The following MALRD1 variants were observed in gnomAD, a reference collection of about 807,000 sequenced individuals.
The protein encoded by MALRD1 is MAM and LDL-receptor class A domain-containing protein 1.
A neutral mutation model predicts 242.1 loss-of-function variants in MALRD1; 247 were observed. That is an observed-to-expected ratio of 1.02 (90% CI 0.92 to 1.13). The LOEUF is 1.13. MALRD1 is among the 50% of genes most tolerant of loss of function. The pLI is 0.00. For synonymous variants in MALRD1, 995 were observed against 866.6 expected, an observed-to-expected ratio of 1.15 and a Z score of -2.60; for missense variants, 2,989 against 2,533.1, an observed-to-expected ratio of 1.18 and a Z score of -3.86.
At chr10:19,166,957 C>G (rs539003491) in intron 13 of MALRD1, among the ~76,000 whole-genome samples, 5 of 152,102 alleles carry the variant, frequency 3.3e-5, no homozygotes, top group Non-Finnish European at 7.4e-5. Flanking sequence ...ATCAAATTTC[C>G]TAATGTGTGA....
intron 21 of MALRD1, among the ~76,000 whole-genome samples, chr10:19,313,777 T>A: frequency 6.6e-6 from 1 of 151,494 alleles, no homozygotes; most frequent in East Asian, 1.9e-4. Context: ...ACTTGCCCCA[T>A]AAAGTGTTAT....
intron 7 of MALRD1, among the ~76,000 whole-genome samples, chr10:19,125,369 C>CTT (rs1316165514): frequency 7.8e-5 from 9 of 114,954 alleles, no homozygotes; most frequent in African/African-American, 3.2e-4. Flanking sequence ...TTCTTTCTTT[C>CTT]TTTCTTTCTT....
At chr10:19,107,036 T>G (rs1161273008) in intron 5 of MALRD1, among the ~76,000 whole-genome samples, 1 of 151,998 alleles carries the variant, frequency 6.6e-6, no homozygotes, top group Non-Finnish European at 1.5e-5. Context: ...GAGACTTGTT[T>G]TGTGGCCTAA....
intron 36 of MALRD1, among the ~76,000 whole-genome samples, chr10:19,617,096 T>G (rs1164324733): frequency 6.6e-6 from 1 of 152,006 alleles, no homozygotes; most frequent in East Asian, 1.9e-4. Context: ...TGTCAACTGC[T>G]TACAGTAAAG....
At chr10:19,362,888 G>A (rs916731692) in intron 26 of MALRD1, among the ~76,000 whole-genome samples, 17 of 152,034 alleles carry the variant, frequency 1.1e-4, no homozygotes, top group Non-Finnish European at 1.9e-4. Context: ...GATAGCAAGA[G>A]GTGGTTAAGT....
At position 19,217,436 on chromosome 10, in the gene MALRD1, T is replaced by TGAAG. The variant is rs528744825; in HGVS notation, c.2991+7756_2991+7757insGAAG. 2.8e-3 allele frequency among the ~76,000 whole-genome samples: 419 copies of TGAAG among 152,278 alleles called. 1 individual carries two copies. Among genetic ancestry groups the TGAAG allele is most frequent in the African/African-American group, 9.8e-3 (406 of 41,562 alleles). On this transcript the variant is annotated intron_variant, in intron 18 of 39. Transcript: ENST00000454679. ...TTCAGGTTAGTTTTTTACTTCACTT[T>TGAAG]CTTTTCCTGAAGCTTATACTCACTG...
chr10:19,376,147 A>G (rs1399739602), intron 26 of MALRD1, among the ~76,000 whole-genome samples: 1 of 152,196 alleles, frequency 6.6e-6, no homozygotes, highest in Non-Finnish European at 1.5e-5. Context: ...ACAAAGCAAA[A>G]ACAAAAACAA....
At chr10:19,719,248 A>ATATATG in intron 38 of MALRD1, among the ~76,000 whole-genome samples, 1 of 136,690 alleles carries the variant, frequency 7.3e-6, no homozygotes, top group East Asian at 2.1e-4. Context: ...ATATATATAT[A>ATATATG]TATATATATA....
intron 5 of MALRD1, among the ~76,000 whole-genome samples, chr10:19,118,436 G>A (rs1017326188): frequency 1.3e-5 from 2 of 152,184 alleles, no homozygotes; most frequent in Non-Finnish European, 2.9e-5. Context: ...ACAACTGGAA[G>A]AGGGGGCTTC....
At chr10:19,151,762 C>T (rs1833953319) in intron 11 of MALRD1, among the ~76,000 whole-genome samples, 1 of 152,146 alleles carries the variant, frequency 6.6e-6, no homozygotes, top group South Asian at 2.1e-4. Context: ...CAGTATTTTT[C>T]AGCATCTATT....
intron 33 of MALRD1, among the ~76,000 whole-genome samples, chr10:19,593,176 G>A (rs1291609438): frequency 1.3e-5 from 2 of 152,118 alleles, no homozygotes; most frequent in Non-Finnish European, 2.9e-5. Context: ...TTTGTACATT[G>A]GAACATTGCA....
At chr10:19,530,409 T>A (rs182520148) in intron 31 of MALRD1, among the ~76,000 whole-genome samples, 35,914 of 63,654 alleles carry the variant, frequency 0.56, 11,303 homozygotes, top group Non-Finnish European at 0.67. Context: ...TATTATATAT[T>A]TATATAATAA....
chr10:19,728,093 GGGAGATATATCTTTAATCTA>G (rs1015559085), intron 38 of MALRD1, among the ~76,000 whole-genome samples: 3 of 152,258 alleles, frequency 2.0e-5, no homozygotes, highest in African/African-American at 7.2e-5. Flanking sequence ...TTTCAAGAAT[GGGAGATATATCTTTAATCTA>G]GGAAAAATAA....
At chr10:19,681,740 T>A (rs908139908) in intron 36 of MALRD1, among the ~76,000 whole-genome samples, 4 of 152,152 alleles carry the variant, frequency 2.6e-5, no homozygotes, top group Non-Finnish European at 5.9e-5. Context: ...AAAGAGGCAC[T>A]CTGGGTTTTT....
chr10:19,198,379 G>C (rs1265431335), intron 14 of MALRD1, among the ~76,000 whole-genome samples: 2 of 152,182 alleles, frequency 1.3e-5, no homozygotes, highest in Non-Finnish European at 2.9e-5. Flanking sequence ...TACACATGAA[G>C]CAGGCTTGTA....
intron 29 of MALRD1, among the ~76,000 whole-genome samples, chr10:19,460,224 C>T (rs928453808): frequency 3.0e-4 from 46 of 152,094 alleles, no homozygotes; most frequent in African/African-American, 9.9e-4. Flanking sequence ...CCTGAAATAT[C>T]GGTACAGATA....
chr10:19,695,592 T>C (rs1589412831), intron 38 of MALRD1, among the ~76,000 whole-genome samples: 4 of 150,164 alleles, frequency 2.7e-5, no homozygotes, highest in African/African-American at 9.8e-5. Flanking sequence ...CAATCTCAGC[T>C]CACTGCCACC....
chr10:19,302,107 G>A (rs1345804601), intron 21 of MALRD1, among the ~76,000 whole-genome samples: 3 of 151,760 alleles, frequency 2.0e-5, no homozygotes, highest in Non-Finnish European at 4.4e-5. Context: ...AGGAGAATTA[G>A]ACAATAACAG....
intron 28 of MALRD1, among the ~76,000 whole-genome samples, chr10:19,449,608 T>G (rs1469834352): frequency 2.0e-5 from 3 of 152,140 alleles, no homozygotes; most frequent in Admixed American, 1.3e-4. Flanking sequence ...CTCTAAAAAT[T>G]TTTTTGAGGG....
Sources: allele counts gnomAD v4.1 joint callset (sites outside exome capture counted in the v4.1 genomes callset), GRCh38; gene constraint gnomAD v4.1.1; transcripts MANE v1.5; gene names NCBI Gene and HGNC (gene_info 2026-07-23, HGNC 2026-07-21).